Variants in KCNG3 observed in about 807,000 individuals in gnomAD.
The protein encoded by KCNG3 is potassium voltage-gated channel modifier subfamily G member 3, also known as voltage-gated potassium channel regulatory subunit KCNG3.
In KCNG3, 15 loss-of-function variants were observed where a neutral mutation model predicts 29.0. The observed-to-expected ratio is 0.52, with a 90% CI of 0.35 to 0.80. KCNG3 has a LOEUF of 0.80. Among genes scored for constraint, KCNG3 ranks in the 30% least tolerant of loss-of-function variants. KCNG3 has a pLI of 0.01. For synonymous variants in KCNG3, 322 were observed against 248.9 expected, an observed-to-expected ratio of 1.29 and a Z score of -2.76; for missense variants, 512 against 605.7, an observed-to-expected ratio of 0.85 and a Z score of 1.62.
chr2:42,475,849 G>A (rs1673411201), intron 1 of KCNG3, among the ~76,000 whole-genome samples: 1 of 152,148 alleles, frequency 6.6e-6, no homozygotes, highest in Non-Finnish European at 1.5e-5. Flanking sequence ...TGGATCACCT[G>A]AAGTCAGGAG....
chr2:42,485,135 G>T (rs1199602085), intron 1 of KCNG3, among the ~76,000 whole-genome samples: 1 of 151,790 alleles, frequency 6.6e-6, no homozygotes, highest in Non-Finnish European at 1.5e-5. Context: ...TTTAATTGAG[G>T]ATTAAAATAA....
At chr2:42,426,730 A>G in the KCNG3 span, among the ~76,000 whole-genome samples, 1 of 152,248 alleles carries the variant, frequency 6.6e-6, no homozygotes, top group Non-Finnish European at 1.5e-5. Context: ...AAGACATTTC[A>G]TCTTCTTTCT....
At chr2:42,414,077 TA>T in the KCNG3 span, among the ~76,000 whole-genome samples, 1 of 152,248 alleles carries the variant, frequency 6.6e-6, no homozygotes, top group East Asian at 1.9e-4. Flanking sequence ...AGCTTGCCTT[TA>T]AATACACACA....
At chr2:42,487,959 G>A (rs572369627) in intron 1 of KCNG3, among the ~76,000 whole-genome samples, 1 of 152,304 alleles carries the variant, frequency 6.6e-6, no homozygotes, top group East Asian at 1.9e-4. Context: ...CACACTGTTA[G>A]TTAAAAAGCA....
At chr2:42,389,668 G>C in the KCNG3 span, among the ~76,000 whole-genome samples, 4 of 152,190 alleles carry the variant, frequency 2.6e-5, no homozygotes, top group Non-Finnish European at 4.4e-5. Context: ...TATATTACCT[G>C]ACCATTGTGC....
chr2:42,407,352 A>G, the KCNG3 span, among the ~76,000 whole-genome samples: 1 of 151,930 alleles, frequency 6.6e-6, no homozygotes, highest in East Asian at 1.9e-4. Flanking sequence ...ATATTTTTAG[A>G]GGCGGGGGCT....
At chr2:42,457,742 G>A (rs1030653106) in intron 1 of KCNG3, among the ~76,000 whole-genome samples, 1 of 151,320 alleles carries the variant, frequency 6.6e-6, no homozygotes, top group Non-Finnish European at 1.5e-5. Flanking sequence ...CTTGGGCCCA[G>A]GAGTTCGAGG....
chr2:42,450,390 C>G (rs893845406), intron 1 of KCNG3, among the ~76,000 whole-genome samples: 1 of 152,158 alleles, frequency 6.6e-6, no homozygotes, highest in African/African-American at 2.4e-5. Flanking sequence ...CACCACCAAG[C>G]CTGCCAAAAT....
At chr2:42,486,180 G>T (rs747861555) in intron 1 of KCNG3, among the ~76,000 whole-genome samples, 4 of 152,206 alleles carry the variant, frequency 2.6e-5, no homozygotes, top group African/African-American at 4.8e-5. Flanking sequence ...GTAGTCAAGC[G>T]AGAGGGTCCC....
the KCNG3 span, among the ~76,000 whole-genome samples, chr2:42,427,622 A>G: frequency 2.6e-5 from 4 of 152,050 alleles, no homozygotes; most frequent in Non-Finnish European, 1.5e-5. Context: ...AAAAAAAATT[A>G]TTTCAACATA....
intron 1 of KCNG3, among the ~76,000 whole-genome samples, chr2:42,461,538 C>G (rs772003799): frequency 1.3e-5 from 2 of 152,144 alleles, no homozygotes; most frequent in Admixed American, 6.5e-5. Flanking sequence ...ACTCTCACTG[C>G]TAAAAACTTT....
At chr2:42,457,041 C>T (rs1225656990) in intron 1 of KCNG3, among the ~76,000 whole-genome samples, 3 of 152,096 alleles carry the variant, frequency 2.0e-5, no homozygotes, top group Non-Finnish European at 4.4e-5. Flanking sequence ...CAACCTAGAT[C>T]AATAATAAAT....
chr2:42,451,374 A>G (rs567545198), intron 1 of KCNG3, among the ~76,000 whole-genome samples: 1 of 151,666 alleles, frequency 6.6e-6, no homozygotes, highest in East Asian at 1.9e-4. Flanking sequence ...GCCCAGGAGT[A>G]CAAGACCAGC....
chr2:42,429,676 C>T, the KCNG3 span, among the ~76,000 whole-genome samples: 11 of 152,298 alleles, frequency 7.2e-5, no homozygotes, highest in Non-Finnish European at 1.2e-4. Context: ...AATCACCTCA[C>T]CCAAAAAGGC....
chr2:42,467,844 C>T (rs1673181125), intron 1 of KCNG3, among the ~76,000 whole-genome samples: 1 of 151,326 alleles, frequency 6.6e-6, no homozygotes, highest in African/African-American at 2.4e-5. Flanking sequence ...GGTAGCATGC[C>T]CCTATAGTCC....
chr2:42,475,547 C>G (rs1187757921), intron 1 of KCNG3, among the ~76,000 whole-genome samples: 1 of 151,312 alleles, frequency 6.6e-6, no homozygotes, highest in Non-Finnish European at 1.5e-5. Context: ...CCAAGCTGGT[C>G]TCGAACTCCT....
intron 1 of KCNG3, among the ~76,000 whole-genome samples, chr2:42,466,638 G>A (rs957687883): frequency 4.6e-5 from 7 of 151,938 alleles, no homozygotes; most frequent in Non-Finnish European, 7.4e-5. Context: ...ATCTCCGGTC[G>A]TTATGCGACA....
chr2:42,462,608 C>A (rs940168839), intron 1 of KCNG3, among the ~76,000 whole-genome samples: 1 of 152,046 alleles, frequency 6.6e-6, no homozygotes, highest in Non-Finnish European at 1.5e-5. Flanking sequence ...CTTGAACCCA[C>A]GAGGCAGACG....
the KCNG3 span, among the ~76,000 whole-genome samples, chr2:42,407,853 G>A: frequency 3.3e-5 from 5 of 152,008 alleles, no homozygotes; most frequent in East Asian, 1.9e-4. Flanking sequence ...CCCCATCCCC[G>A]CCAACTCTGG....
Sources: gnomAD v4.1 joint callset for allele counts (sites outside exome capture counted in the v4.1 genomes callset) on GRCh38, gnomAD v4.1.1 for gene constraint, MANE v1.5 for transcripts, NCBI Gene and HGNC (gene_info 2026-07-23, HGNC 2026-07-21) for gene names.